PCDHA7: variants seen among roughly 807,000 people sequenced by gnomAD.
The protein encoded by PCDHA7 is protocadherin alpha-7.
A neutral mutation model predicts 57.2 loss-of-function variants in PCDHA7; 37 were observed. The observed-to-expected ratio is 0.65, with a 90% CI of 0.50 to 0.85. PCDHA7 has a LOEUF of 0.85. PCDHA7 is among the 40% of genes least tolerant of loss of function. The pLI is 0.00. For missense variants in PCDHA7, 1,188 were observed against 1,241.8 expected (o/e 0.96, Z 0.65); for synonymous variants, 553 against 558.8 (o/e 0.99, Z 0.15).
intron 1 of PCDHA7, among the ~76,000 whole-genome samples, chr5:140,899,477 A>G (rs1309385245): frequency 3.3e-5 from 5 of 152,210 alleles, no homozygotes; most frequent in Non-Finnish European, 5.9e-5. Context: ...GGTTCTGTTT[A>G]TATGCTGGAT....
chr5:141,010,296 G>C lies in PCDHA7; in HGVS notation c.*359G>C. On this transcript the variant is annotated 3_prime_UTR_variant, in exon 4 of 4. Transcript: ENST00000525929. ...CTGTCTTGATGACACTTGCAGGGCA[G>C]GCTGAAAAGTTTTGAGATTGAGCAG... The C allele has an allele frequency of 1.3e-6, 2 of 1,549,428 alleles. No individual in the cohort carries two copies. The highest frequency in any genetic ancestry group is 1.7e-6 in the Non-Finnish European group (2 of 1,146,352).
chr5:140,861,421 T>C, intron 1 of PCDHA7: 2 of 481,940 alleles, frequency 4.1e-6, no homozygotes, highest in South Asian at 3.2e-5. Context: ...CCGCGCCTGT[T>C]TCAGTTGGAT....
At position 140,834,911 on chromosome 5, in the gene PCDHA7, G is replaced by A. The variant is rs2150228953; in HGVS notation, c.528G>A (p.Glu176=). Residue 176 remains glutamate (E), a synonymous_variant, in exon 1 of 4, where the codon GAG becomes GAA. Coordinates refer to ENST00000525929, the MANE Select transcript of PCDHA7 (RefSeq NM_018910.3). The part of the protein sequence containing the change: ...ALLTYRLSPN[E]YFFLDVPTSN... ...TCACTTACAGACTGAGCCCCAATGA[G>A]TATTTCTTCCTGGACGTGCCAACCA... 44 of 1,595,108 alleles carry A rather than the reference G, an allele frequency of 2.8e-5. No individual in the cohort carries two copies. The highest frequency in any genetic ancestry group is 4.3e-6 in the Non-Finnish European group (5 of 1,170,574).
intron 1 of PCDHA7, chr5:140,842,584 T>A: frequency 6.6e-7 from 1 of 1,519,626 alleles, no homozygotes; most frequent in Non-Finnish European, 8.9e-7. Flanking sequence ...TGTCGGCCTA[T>A]GAGTTGGTGG....
At chr5:140,862,490 G>A (rs1554156448) in intron 1 of PCDHA7, 5 of 385,338 alleles carry the variant, frequency 1.3e-5, no homozygotes, top group Non-Finnish European at 2.1e-5. Context: ...GTTGGTAATC[G>A]CTCGGAATGG....
intron 1 of PCDHA7, chr5:140,884,436 G>A (rs782218831): frequency 6.2e-7 from 1 of 1,613,888 alleles, no homozygotes; most frequent in East Asian, 2.2e-5. Flanking sequence ...GCGCTGCGGT[G>A]CTCGGCACCG....
chr5:140,933,567 A>G lies in PCDHA7; in HGVS notation c.2356-45382A>G, dbSNP rs146986632. ...AATATAAAATAAAAACCAATTAAGA[A>G]GTCTTAATAGTGGGTTTTTAGGTTG... On this transcript the variant is annotated intron_variant, in intron 1 of 3. Coordinates refer to ENST00000525929, the MANE Select transcript of PCDHA7 (RefSeq NM_018910.3). Among the ~76,000 whole-genome samples the G allele has an allele frequency of 5.4e-3, 827 of 152,184 alleles. 4 individuals are homozygous for G. Among genetic ancestry groups the G allele is most frequent in the African/African-American group, 0.019 (796 of 41,566 alleles).
chr5:140,875,252 C>T, intron 1 of PCDHA7: 1 of 1,041,204 alleles, frequency 9.6e-7, no homozygotes, highest in East Asian at 2.7e-5. Context: ...TAATCAGTCA[C>T]ATGATGTCGC....
At chr5:141,005,422 A>G (rs1383654342) in intron 3 of PCDHA7, among the ~76,000 whole-genome samples, 3 of 152,132 alleles carry the variant, frequency 2.0e-5, no homozygotes, top group African/African-American at 7.2e-5. Flanking sequence ...AGTCATGCTA[A>G]GAATGGATGA....
In PCDHA7 at chr5:141,012,118, T is replaced by C. The variant is rs2098422988; in HGVS notation, c.*2181T>C. 6.5e-6 allele frequency: 1 copy of C among 153,768 alleles called. No individual in the cohort carries two copies. The highest frequency in any genetic ancestry group is 2.4e-5 in the African/African-American group (1 of 41,458). The allele number at this position is 153,768 out of a possible 1,614,324, so 9.5% of individuals were successfully genotyped here. A position where few individuals can be genotyped will look rare whatever the true frequency, so the allele number is the denominator to read the frequency against. On this transcript the variant is annotated 3_prime_UTR_variant, in exon 4 of 4. Coordinates refer to ENST00000525929, the MANE Select transcript of PCDHA7 (RefSeq NM_018910.3). ...TCATTTTGCCCCACTGAAGCCCATG[T>C]ATCTGACCTTACGTGCCTTTTGAAC...
intron 1 of PCDHA7, among the ~76,000 whole-genome samples, chr5:140,957,259 T>A (rs1554222896): frequency 6.6e-6 from 1 of 152,182 alleles, no homozygotes; most frequent in Admixed American, 6.5e-5. Context: ...TTTAAATATG[T>A]AAGCACTAGT....
intron 1 of PCDHA7, among the ~76,000 whole-genome samples, chr5:140,837,921 C>T (rs1775313759): frequency 6.6e-6 from 1 of 151,734 alleles, no homozygotes; most frequent in Admixed American, 6.6e-5. Flanking sequence ...TCAAGCGATC[C>T]TCCTACCTTG....
chr5:140,877,375 C>T (rs782650940), intron 1 of PCDHA7: 4 of 1,614,006 alleles, frequency 2.5e-6, no homozygotes, highest in South Asian at 1.1e-5. Flanking sequence ...CAGCACGACA[C>T]GCATCCTGGA....
chr5:140,853,528 C>G, intron 1 of PCDHA7: 1 of 978,674 alleles, frequency 1.0e-6, no homozygotes, highest in South Asian at 4.8e-5. Context: ...CCTCCTATGT[C>G]TCTTTTCAAG....
At position 140,950,241 on chromosome 5, in the gene PCDHA7, G is replaced by A. The variant is rs191139851; in HGVS notation, c.2356-28708G>A. 3.8e-4 allele frequency among the ~76,000 whole-genome samples: 58 copies of A among 152,014 alleles called. 1 individual carries two copies. The highest frequency in any genetic ancestry group is 6.8e-3 in the Middle Eastern group (2 of 294). On this transcript the variant is annotated intron_variant, in intron 1 of 3. Coordinates refer to ENST00000525929, the MANE Select transcript of PCDHA7 (RefSeq NM_018910.3). The stretch of plus-strand genomic sequence containing the variant: ...TTACCATTTCTAGTGCCATTAATTT[G>A]TTCCTAAAGAGCTGAGTTTATCCAT...
chr5:140,953,778 A>G (rs782648195), intron 1 of PCDHA7, among the ~76,000 whole-genome samples: 1 of 151,986 alleles, frequency 6.6e-6, no homozygotes, highest in Non-Finnish European at 1.5e-5. Flanking sequence ...ATATTTATTT[A>G]TTTTTTTCTT....
intron 1 of PCDHA7, chr5:140,876,550 C>T: frequency 6.2e-7 from 1 of 1,614,186 alleles, no homozygotes; most frequent in Non-Finnish European, 8.5e-7. Context: ...GCTCCCTGTG[C>T]AAGAGGATGC....
chr5:140,939,886 T>C (rs1165679302), intron 1 of PCDHA7, among the ~76,000 whole-genome samples: 1 of 152,242 alleles, frequency 6.6e-6, no homozygotes, highest in Non-Finnish European at 1.5e-5. Flanking sequence ...AGTTGTGTTG[T>C]TCAAATATTC....
intron 1 of PCDHA7, among the ~76,000 whole-genome samples, chr5:140,874,496 T>G (rs1352627184): frequency 3.9e-5 from 6 of 152,214 alleles, no homozygotes; most frequent in African/African-American, 1.4e-4. Context: ...TGATATCAAG[T>G]TCACATTCTC....
Sources: allele counts gnomAD v4.1 joint callset (sites outside exome capture counted in the v4.1 genomes callset), GRCh38; gene constraint gnomAD v4.1.1; transcripts MANE v1.5; gene names NCBI Gene and HGNC (gene_info 2026-07-23, HGNC 2026-07-21).